ATOSA: variants seen among roughly 807,000 people sequenced by gnomAD.
ATOSA encodes the protein atos homolog A, also known as atos homolog protein A.
chr15:52,670,385 A>G, the ATOSA span, among the ~76,000 whole-genome samples: 1 of 152,236 alleles, frequency 6.6e-6, no homozygotes, highest in African/African-American at 2.4e-5. Context: ...TGACGGTATT[A>G]GAGCAAAAAA....
chr15:52,646,488 C>T, the ATOSA span, among the ~76,000 whole-genome samples: 3 of 152,268 alleles, frequency 2.0e-5, no homozygotes, highest in Non-Finnish European at 4.4e-5. Context: ...GCATTCCAGG[C>T]TGGTCCTTTT....
At chr15:52,624,381 C>T in the ATOSA span, among the ~76,000 whole-genome samples, 1 of 152,132 alleles carries the variant, frequency 6.6e-6, no homozygotes, top group Non-Finnish European at 1.5e-5. Context: ...TGTTCTCTTC[C>T]CCAGAATTTA....
the ATOSA span, among the ~76,000 whole-genome samples, chr15:52,640,629 G>A: frequency 0.027 from 1,389 of 52,064 alleles, 25 homozygotes; most frequent in African/African-American, 0.082. Context: ...GATTTAAAAT[G>A]TAGACTACGT....
At chr15:52,601,187 G>T in the ATOSA span, 2 of 1,453,554 alleles carry the variant, frequency 1.4e-6, no homozygotes, top group Admixed American at 2.8e-5. Context: ...ACGATCATTT[G>T]TGATATTAAA....
At chr15:52,694,327 T>C in the ATOSA span, among the ~76,000 whole-genome samples, 1 of 151,980 alleles carries the variant, frequency 6.6e-6, no homozygotes, top group African/African-American at 2.4e-5. Context: ...CTACCACATC[T>C]GGCTAATTCT....
At chr15:52,622,287 T>C in the ATOSA span, among the ~76,000 whole-genome samples, 1 of 152,238 alleles carries the variant, frequency 6.6e-6, no homozygotes, top group Admixed American at 6.5e-5. Flanking sequence ...AAAACAAATG[T>C]TTAAAAAATT....
the ATOSA span, among the ~76,000 whole-genome samples, chr15:52,705,246 A>G: frequency 6.6e-6 from 1 of 152,138 alleles, no homozygotes. Context: ...TCAGCAAACT[A>G]TCACGAGGAC....
chr15:52,665,004 T>C, the ATOSA span, among the ~76,000 whole-genome samples: 4 of 152,112 alleles, frequency 2.6e-5, no homozygotes, highest in African/African-American at 7.2e-5. Context: ...AGAAAAAAAC[T>C]ATTGTTCAGA....
chr15:52,611,251 C>T, the ATOSA span: 1 of 1,611,974 alleles, frequency 6.2e-7, no homozygotes, highest in Non-Finnish European at 8.5e-7. Flanking sequence ...AATCGGTCAC[C>T]ATTCCTAAGG....
chr15:52,597,825 G>A, the ATOSA span, among the ~76,000 whole-genome samples: 1 of 152,160 alleles, frequency 6.6e-6, no homozygotes, highest in Non-Finnish European at 1.5e-5. Context: ...TGGGCCACAT[G>A]TAAAATATAC....
chr15:52,602,571 C>A, the ATOSA span, among the ~76,000 whole-genome samples: 1 of 151,892 alleles, frequency 6.6e-6, no homozygotes, highest in Non-Finnish European at 1.5e-5. Flanking sequence ...TCATGGGTTC[C>A]AATTTAGTTT....
the ATOSA span, among the ~76,000 whole-genome samples, chr15:52,624,800 C>G: frequency 7.3e-6 from 1 of 137,176 alleles, no homozygotes; most frequent in Non-Finnish European, 1.6e-5. Flanking sequence ...TTTTTTGAGA[C>G]GGAGTCTTGT....
the ATOSA span, among the ~76,000 whole-genome samples, chr15:52,597,645 T>C: frequency 6.6e-6 from 1 of 152,212 alleles, no homozygotes; most frequent in Non-Finnish European, 1.5e-5. Context: ...AATGGTTGTA[T>C]TATGCTGGAC....
At chr15:52,661,931 C>CAAAAAAAAAAAAAAAAAAAA in the ATOSA span, among the ~76,000 whole-genome samples, 1 of 73,258 alleles carries the variant, frequency 1.4e-5, no homozygotes, top group Non-Finnish European at 2.3e-5. Context: ...CAAGCCAGGC[C>CAAAAAAAAAAAAAAAAAAAA]AAAAAAAAAA....
chr15:52,702,502 C>T, the ATOSA span, among the ~76,000 whole-genome samples: 1 of 152,032 alleles, frequency 6.6e-6, no homozygotes, highest in Non-Finnish European at 1.5e-5. Context: ...TAAATAATTG[C>T]AGGAACAGAA....
chr15:52,687,933 A>G, the ATOSA span, among the ~76,000 whole-genome samples: 1 of 152,160 alleles, frequency 6.6e-6, no homozygotes, highest in Non-Finnish European at 1.5e-5. Context: ...ATCTTAAGAA[A>G]TCTTGCCTAT....
the ATOSA span, among the ~76,000 whole-genome samples, chr15:52,627,512 A>C: frequency 1.3e-5 from 2 of 152,120 alleles, no homozygotes; most frequent in Non-Finnish European, 2.9e-5. Flanking sequence ...GTAGTGATTT[A>C]GCTTATTGAA....
At chr15:52,641,531 C>T in the ATOSA span, among the ~76,000 whole-genome samples, 1 of 152,124 alleles carries the variant, frequency 6.6e-6, no homozygotes, top group East Asian at 1.9e-4. Context: ...TGATAGCTTG[C>T]CAAAAAGAAA....
the ATOSA span, among the ~76,000 whole-genome samples, chr15:52,619,092 T>C: frequency 6.6e-6 from 1 of 152,360 alleles, no homozygotes; most frequent in Non-Finnish European, 1.5e-5. Context: ...CTATGGATTA[T>C]ACAATGGTAT....
Sources: gnomAD v4.1 joint callset for allele counts (sites outside exome capture counted in the v4.1 genomes callset) on GRCh38, gnomAD v4.1.1 for gene constraint, MANE v1.5 for transcripts, NCBI Gene and HGNC (gene_info 2026-07-23, HGNC 2026-07-21) for gene names.